MED25: variants seen among roughly 807,000 people sequenced by gnomAD.
MED25 encodes mediator complex subunit 25.
In MED25, 62 loss-of-function variants were observed where a neutral mutation model predicts 89.4. The observed-to-expected ratio is 0.69, with a 90% confidence interval of 0.57 to 0.86. The LOEUF (loss-of-function observed/expected upper bound fraction) is 0.86, where lower values mean the gene tolerates loss of function less well. Ranked by LOEUF, MED25 falls within the 40% of genes least tolerant of loss-of-function variation. The pLI is 0.00. For synonymous variants in MED25, 449 were observed against 427.9 expected, an observed-to-expected ratio of 1.05 and a Z score of -0.61; for missense variants, 905 against 1,005.2, an observed-to-expected ratio of 0.90 and a Z score of 1.35.
In MED25 at chr19:49,830,423, G is replaced by A; in HGVS notation, c.820-88G>A. 6 of 1,373,200 alleles carry A rather than the reference G, an allele frequency of 4.4e-6. No individual in the cohort carries two copies. In the South Asian group the frequency reaches 7.1e-5, roughly 16 times the overall value. 85.1% of individuals were successfully genotyped at this position (1,373,200 alleles called of 1,614,324 possible). Reference sequence around the variant, plus strand: ...AGCTATCCCAGCTGGTGCCTCATGGGGCCATGGGTGGTGTGACCTCGTGGG... The same window carrying A: ...AGCTATCCCAGCTGGTGCCTCATGGAGCCATGGGTGGTGTGACCTCGTGGG... On this transcript the variant is annotated intron_variant, in intron 7 of 17. Transcript: ENST00000312865. This position sits in a 1 kb window ranked among gnomAD's most constrained non-coding sequence, Gnocchi z 4.6.
Position 49,836,805 on chromosome 19 carries a change from G to A in MED25, c.2147-42G>A, listed in dbSNP as rs1444636967. The A allele has an allele frequency of 2.6e-6, 4 of 1,517,310 alleles. No individual in the cohort carries two copies. In the South Asian group the frequency reaches 4.6e-5, roughly 17 times the overall value. The allele number at this position is 1,517,310 out of a possible 1,614,324, so 94.0% of individuals were successfully genotyped here. A position where few individuals can be genotyped will look rare whatever the true frequency, so the allele number is the denominator to read the frequency against. On this transcript the variant is annotated intron_variant, in intron 17 of 17. Coordinates refer to ENST00000312865, the MANE Select transcript of MED25 (RefSeq NM_030973.4). This position sits in a 1 kb window ranked among gnomAD's most constrained non-coding sequence, Gnocchi z 5.1. ...TGCCTCTGGGCCCTCCTGGGCCCAA[G>A]GGCCTACTGGGAGATGCAGTCCCTT... is the stretch of plus-strand genomic sequence containing the variant.
rs529162251 is a variant in MED25 at position 49,818,695 on chromosome 19, C to T, written c.180+79C>T. The T allele has an allele frequency of 6.4e-4, 854 of 1,330,258 alleles. 12 individuals carry two copies. The South Asian group carries it at 6.9e-3, about 11-fold the overall frequency. 82.4% of individuals were successfully genotyped at this position (1,330,258 alleles called of 1,614,324 possible). A position where few individuals can be genotyped will look rare whatever the true frequency, so the allele number is the denominator to read the frequency against. Reference sequence around the variant, plus strand: ...CTGGGTCTGAGGGAGGGAGAAAGGGCTGGGCCTGGACTCCTGAGTTTGAGG... The same window carrying T: ...CTGGGTCTGAGGGAGGGAGAAAGGGTTGGGCCTGGACTCCTGAGTTTGAGG... On this transcript the variant is annotated intron_variant, in intron 2 of 17. Coordinates refer to ENST00000312865, the MANE Select transcript of MED25 (RefSeq NM_030973.4).
chr19:49,840,144 C>T (rs2122124820), downstream of MED25: 1 of 152,180 alleles, frequency 6.6e-6, no homozygotes, highest in African/African-American at 2.4e-5. Flanking sequence ...CCCGTCCCCA[C>T]CGTGCCACCC....
intron 3 of MED25, among the ~76,000 whole-genome samples, chr19:49,820,603 T>A (rs975284051): frequency 8.5e-5 from 13 of 152,386 alleles, no homozygotes; most frequent in African/African-American, 2.4e-4. Flanking sequence ...CTTCTCTCTA[T>A]GTTGAGGGAG....
intron 13 of MED25, chr19:49,833,107 T>C (rs2074071006): frequency 6.5e-6 from 1 of 153,380 alleles, no homozygotes; most frequent in African/African-American, 2.4e-5. Flanking sequence ...CAGCTTAGCT[T>C]TCTGGTTTTG....
chr19:49,838,207 G>A (rs527560179), downstream of MED25, among the ~76,000 whole-genome samples: 4 of 152,176 alleles, frequency 2.6e-5, no homozygotes, highest in Non-Finnish European at 4.4e-5. Context: ...ATGGGCCATC[G>A]TGCGGATGAG....
intron 3 of MED25, among the ~76,000 whole-genome samples, chr19:49,826,147 C>T (rs760272486): frequency 1.3e-5 from 2 of 151,946 alleles, no homozygotes; most frequent in African/African-American, 2.4e-5. Flanking sequence ...GAGACCATCC[C>T]GGATAACACC....
downstream of MED25, chr19:49,837,071 C>T: frequency 6.2e-6 from 5 of 800,928 alleles, no homozygotes; most frequent in Admixed American, 8.1e-5. Flanking sequence ...CAGCAGACAT[C>T]CCTGGGGCCC....
intron 13 of MED25, chr19:49,832,783 C>T: frequency 5.8e-6 from 2 of 346,068 alleles, no homozygotes; most frequent in East Asian, 1.5e-4. Flanking sequence ...GTTCTGGAGG[C>T]CAGAAGCCCA....
Position 49,836,464 on chromosome 19 carries a change from C to G in MED25, c.2146+58C>G, listed in dbSNP as rs1568626028. On this transcript the variant is annotated intron_variant, in intron 17 of 17. Transcript: ENST00000312865. This position sits in a 1 kb window ranked among gnomAD's most constrained non-coding sequence, Gnocchi z 5.1. ...ACTGAGTGTCCCAGCAGCTCCTGGGCTAGAGCACCAAGACCGAGTGCTCCT... is the reference window on the plus strand; with the variant it reads ...ACTGAGTGTCCCAGCAGCTCCTGGGGTAGAGCACCAAGACCGAGTGCTCCT... The G allele has an allele frequency of 4.6e-6, 7 of 1,533,144 alleles. No individual in the cohort carries two copies. Among genetic ancestry groups the G allele is most frequent in the Non-Finnish European group, 5.3e-6 (6 of 1,129,886 alleles). The allele number at this position is 1,533,144 out of a possible 1,614,324, so 95.0% of individuals were successfully genotyped here. A position where few individuals can be genotyped will look rare whatever the true frequency, so the allele number is the denominator to read the frequency against.
intron 13 of MED25, chr19:49,833,290 T>C (rs936508867): frequency 1.3e-5 from 2 of 152,310 alleles, no homozygotes; most frequent in Admixed American, 6.5e-5. Flanking sequence ...TATTTTTTAG[T>C]AGAGACAGGG....
In MED25 at chr19:49,835,213, C is replaced by G. The variant is rs563939529; in HGVS notation, c.1674+36C>G. ...ACAGTCCCCAAACCAGCACTCCGACCCCCTCCTGCCCGGGCCCCACATGGC... is the reference window on the plus strand; with the variant it reads ...ACAGTCCCCAAACCAGCACTCCGACGCCCTCCTGCCCGGGCCCCACATGGC... On this transcript the variant is annotated intron_variant, in intron 14 of 17. Transcript: ENST00000312865. This position sits in a 1 kb window ranked among gnomAD's most constrained non-coding sequence, Gnocchi z 6.2. 1 of 1,611,050 alleles carries G rather than the reference C, an allele frequency of 6.2e-7. No individual in the cohort carries two copies. Among genetic ancestry groups the G allele is most frequent in the Non-Finnish European group, 8.5e-7 (1 of 1,177,670 alleles).
At chr19:49,825,907 C>T (rs905769657) in intron 3 of MED25, among the ~76,000 whole-genome samples, 8 of 152,130 alleles carry the variant, frequency 5.3e-5, no homozygotes, top group African/African-American at 1.2e-4. Context: ...CCCATCCCCC[C>T]ATCCCCAGCC....
chr19:49,822,152 A>G (rs951544956), intron 3 of MED25, among the ~76,000 whole-genome samples: 3 of 148,616 alleles, frequency 2.0e-5, no homozygotes, highest in Non-Finnish European at 3.0e-5. Context: ...AGTCCCAGCT[A>G]CTCGGGAGGC....
Position 49,835,766 on chromosome 19 carries a change from G to T in MED25, c.1786G>T (p.Val596Leu). ...ACCGCAGCCCCAGCCTCAGGGTACC[G>T]TAGGGGCCTCTGGGGCCACGGGGCA... is the stretch of plus-strand genomic sequence containing the variant. ...RPPQPQPQGT[V>L]GASGATGQPQ... Residue 596 changes from valine to leucine, a missense_variant, in exon 16 of 18, where the codon GTA becomes TTA. Physicochemically the swap from Val to Leu is conservative, Grantham distance 32. Around this residue, in one of 3 missense-constraint regions of MED25, gnomAD observed 271 missense variants for 258.1 expected, o/e 1.05. Transcript: ENST00000312865. The surrounding 1 kb of genome is among the most constrained non-coding windows in gnomAD (Gnocchi z 6.2). The T allele has an allele frequency of 6.2e-7, 1 of 1,609,664 alleles. No individual in the cohort carries two copies. Among genetic ancestry groups the T allele is most frequent in the Non-Finnish European group, 8.5e-7 (1 of 1,177,892 alleles).
rs1362867117 is a variant in MED25, at chr19:49,829,014, C to T, written c.449C>T (p.Pro150Leu). ...TGCCTCCTCATCTGCAACTCACCCC[C>T]ATACTTGTTGCCTGCTGTTGAGAGC... is the stretch of plus-strand genomic sequence containing the variant. ...RVCLLICNSPPYLLPAVESTT... is the reference protein window; with the variant it reads ...RVCLLICNSPLYLLPAVESTT... Residue 150 changes from proline (P) to leucine (L), a missense_variant, in exon 5 of 18, where the codon CCA becomes CTA. Coordinates refer to ENST00000312865, the MANE Select transcript of MED25 (RefSeq NM_030973.4). The surrounding 1 kb of genome is among the most constrained non-coding windows in gnomAD (Gnocchi z 4.6). The T allele has an allele frequency of 6.2e-7, 1 of 1,614,132 alleles. No homozygotes were observed. The highest frequency in any genetic ancestry group is 8.5e-7 in the Non-Finnish European group (1 of 1,180,014).
At chr19:49,828,709 G>A (rs1003222432) in intron 4 of MED25, among the ~76,000 whole-genome samples, 162 bp downstream of exon 4, 4 of 152,196 alleles carry the variant, frequency 2.6e-5, no homozygotes, top group African/African-American at 9.7e-5. Flanking sequence ...CTTGGGGGAC[G>A]CCTGGCCAGT....
intron 11 of MED25, 36 bp downstream of exon 11, chr19:49,832,057 G>A: frequency 6.2e-7 from 1 of 1,613,584 alleles, no homozygotes; most frequent in Non-Finnish European, 8.5e-7. Context: ...TGGTGGGGCT[G>A]GGGCTGGCCC....
At chr19:49,828,664 C>T (rs747690348) in intron 4 of MED25, 117 bp downstream of exon 4, 51 of 981,926 alleles carry the variant, frequency 5.2e-5, no homozygotes, top group Non-Finnish European at 8.1e-5. Context: ...CTCTGTGTCC[C>T]CAAGCACGCT....
Sources: allele counts gnomAD v4.1 joint callset (sites outside exome capture counted in the v4.1 genomes callset), GRCh38; gene constraint gnomAD v4.1.1; regional missense constraint gnomAD v4.1.1; non-coding constraint Gnocchi (gnomAD v3.1); transcripts MANE v1.5; gene names NCBI Gene and HGNC (gene_info 2026-07-23, HGNC 2026-07-21).